RAB11FIP3: variants seen among roughly 807,000 people sequenced by gnomAD.
RAB11FIP3 encodes the protein RAB11 family interacting protein 3, also known as rab11 family-interacting protein 3.
RAB11FIP3 carries 17 observed loss-of-function variants against 77.8 expected under a neutral mutation model. The observed-to-expected ratio is 0.22, with a 90% CI of 0.15 to 0.33. RAB11FIP3 has a LOEUF of 0.33. Among genes scored for constraint, RAB11FIP3 ranks in the 10% least tolerant of loss-of-function variants. The pLI, the probability that RAB11FIP3 is intolerant of heterozygous loss-of-function variation, is 1.00. For missense variants in RAB11FIP3, 1,005 were observed against 1,011.2 expected (o/e 0.99, Z 0.08); for synonymous variants, 437 against 448.2 (o/e 0.98, Z 0.31).
intron 5 of RAB11FIP3, among the ~76,000 whole-genome samples, chr16:493,646 A>G (rs1165607982): frequency 6.6e-6 from 1 of 151,972 alleles, no homozygotes; most frequent in Non-Finnish European, 1.5e-5. Flanking sequence ...TCGCTTTGTG[A>G]CCCAGGCCGG....
At chr16:451,184 G>A (rs1196878776) in intron 1 of RAB11FIP3, among the ~76,000 whole-genome samples, 1 of 151,950 alleles carries the variant, frequency 6.6e-6, no homozygotes, top group African/African-American at 2.4e-5. Context: ...TGATTTTGTG[G>A]TATGTGAATT....
At chr16:510,589 CT>C in intron 8 of RAB11FIP3, 70 bp from the exon 9 acceptor site, 1 of 1,486,328 alleles carries the variant, frequency 6.7e-7, no homozygotes, top group Non-Finnish European at 8.9e-7. Flanking sequence ...CCTGAGGCAG[CT>C]TCTGGGCATG....
rs367967364 is a variant in RAB11FIP3 at position 482,488 on chromosome 16, G to A, written c.904-37G>A. Reference sequence around the variant, plus strand: ...TGGGGCGTTCGCAGTTCCCCTCCCAGCTTGTGCCCGCTGACTGCTGGCGCA... The same window carrying A: ...TGGGGCGTTCGCAGTTCCCCTCCCAACTTGTGCCCGCTGACTGCTGGCGCA... On this transcript the variant is annotated intron_variant, in intron 3 of 13. Coordinates refer to ENST00000262305, the MANE Select transcript of RAB11FIP3 (RefSeq NM_014700.4). 5.6e-6 allele frequency: 9 copies of A among 1,600,378 alleles called. No individual in the cohort carries two copies. In the African/African-American group the frequency reaches 1.2e-4, roughly 21 times the overall value.
intron 5 of RAB11FIP3, among the ~76,000 whole-genome samples, chr16:489,359 A>C (rs1401865414): frequency 6.6e-6 from 1 of 152,246 alleles, no homozygotes; most frequent in Non-Finnish European, 1.5e-5. Flanking sequence ...GTGAGTCTTC[A>C]GATTCATTTC....
chr16:457,702 G>A (rs1244078982), intron 1 of RAB11FIP3, among the ~76,000 whole-genome samples: 1 of 151,994 alleles, frequency 6.6e-6, no homozygotes, highest in Non-Finnish European at 1.5e-5. Context: ...ATGTAAAAGG[G>A]GCCTATTCTA....
intron 4 of RAB11FIP3, 106 bp downstream of exon 4, chr16:482,842 AT>A: frequency 8.1e-7 from 1 of 1,232,322 alleles, no homozygotes; most frequent in Non-Finnish European, 1.1e-6. Context: ...GCTGGTTAGC[AT>A]CCATTATGTG....
intron 5 of RAB11FIP3, among the ~76,000 whole-genome samples, chr16:490,513 ATT>A (rs1472436518): frequency 6.6e-6 from 1 of 152,030 alleles, no homozygotes; most frequent in East Asian, 1.9e-4. Context: ...CTAATTTTGT[ATT>A]TTTTGTAGAG....
chr16:448,320 A>G (rs1352536792), intron 1 of RAB11FIP3, among the ~76,000 whole-genome samples: 1 of 132,108 alleles, frequency 7.6e-6, no homozygotes, highest in African/African-American at 2.9e-5. Flanking sequence ...TCTCAAAAAA[A>G]TAGCCGGGCG....
rs771171158 is a variant in RAB11FIP3, at chr16:497,371, G to A, written c.1301+512G>A. ...TCTTCCTCCCCTGCCAGTTCTTACC[G>A]AAATAAACATGCAGGGTTAAGGCCC... On this transcript the variant is annotated intron_variant, in intron 6 of 13. Transcript: ENST00000262305. 5.0e-4 allele frequency: 644 copies of A among 1,300,832 alleles called. 1 individual carries two copies. Among genetic ancestry groups the A allele is most frequent in the Non-Finnish European group, 5.9e-4 (587 of 987,424 alleles). 80.6% of individuals were successfully genotyped at this position (1,300,832 alleles called of 1,614,324 possible). A position where few individuals can be genotyped will look rare whatever the true frequency, so the allele number is the denominator to read the frequency against.
At chr16:480,287 A>C (rs1368535181) in intron 3 of RAB11FIP3, among the ~76,000 whole-genome samples, 2 of 47,434 alleles carry the variant, frequency 4.2e-5, no homozygotes, top group Non-Finnish European at 1.2e-4. Flanking sequence ...CTCCTTCTCC[A>C]AAAAAAAAAA....
intron 1 of RAB11FIP3, among the ~76,000 whole-genome samples, chr16:431,329 C>G (rs1024484192): frequency 4.6e-5 from 7 of 151,864 alleles, no homozygotes; most frequent in African/African-American, 1.7e-4. Flanking sequence ...CCAATAATCC[C>G]ACTATCCTGA....
At chr16:454,798 G>A (rs1451305582) in intron 1 of RAB11FIP3, among the ~76,000 whole-genome samples, 3 of 152,086 alleles carry the variant, frequency 2.0e-5, no homozygotes, top group African/African-American at 7.2e-5. Context: ...TGTAATCCCA[G>A]TACTTTGGAA....
chr16:517,526 C>T (rs1042671951), intron 9 of RAB11FIP3, among the ~76,000 whole-genome samples: 15 of 151,992 alleles, frequency 9.9e-5, no homozygotes, highest in Admixed American at 9.2e-4. Context: ...TGAGATTCCA[C>T]CAGTGCACTC....
intron 11 of RAB11FIP3, 43 bp from the exon 12 acceptor site, chr16:520,078 CT>C (rs1334738957): frequency 1.3e-6 from 2 of 1,539,920 alleles, no homozygotes; most frequent in South Asian, 1.2e-5. Flanking sequence ...ACGGTGGCCC[CT>C]GGGAGCCCAG....
intron 6 of RAB11FIP3, among the ~76,000 whole-genome samples, chr16:501,684 T>C (rs186442902): frequency 1.0e-3 from 140 of 136,382 alleles, no homozygotes; most frequent in Admixed American, 2.0e-3. Flanking sequence ...CCCCATTTCA[T>C]AGGCAGGGAA....
Position 426,185 on chromosome 16 carries a change from C to T in RAB11FIP3, c.179C>T (p.Pro60Leu). 2 of 1,016,660 alleles carry T rather than the reference C, an allele frequency of 2.0e-6. No homozygotes were observed. Among genetic ancestry groups the T allele is most frequent in the Non-Finnish European group, 2.3e-6 (2 of 852,326 alleles). 63.0% of individuals were successfully genotyped at this position (1,016,660 alleles called of 1,614,324 possible). A position where few individuals can be genotyped will look rare whatever the true frequency, so the allele number is the denominator to read the frequency against. ...TCCCCGGGCCTGGATGAGCCTGCGCCCGGGGCCGCTGCAGATGGCGGGGCG... is the reference window on the plus strand; with the variant it reads ...TCCCCGGGCCTGGATGAGCCTGCGCTCGGGGCCGCTGCAGATGGCGGGGCG... ...PQSPGLDEPAPGAAADGGARW... is the reference protein window; with the variant it reads ...PQSPGLDEPALGAAADGGARW... The change falls in exon 1 of 14, where the codon CCC (proline) becomes CTC (leucine). Residue 60 changes from proline (P) to leucine (L), a missense_variant. Physicochemically the swap from Pro to Leu is moderately conservative, Grantham distance 98 (BLOSUM62 -3). This residue lies in a region of RAB11FIP3 where 466 missense variants were observed against 408.3 expected (regional missense o/e 1.14). Coordinates refer to ENST00000262305, the MANE Select transcript of RAB11FIP3 (RefSeq NM_014700.4). The surrounding 1 kb of genome is among the most constrained non-coding windows in gnomAD (Gnocchi z 5.0).
intron 1 of RAB11FIP3, among the ~76,000 whole-genome samples, chr16:436,125 A>G (rs2055122702): frequency 6.6e-6 from 1 of 152,148 alleles, no homozygotes; most frequent in African/African-American, 2.4e-5. Flanking sequence ...CCTGGCTAAC[A>G]TGGTGAAACC....
chr16:431,905 C>T (rs929877195), intron 1 of RAB11FIP3, among the ~76,000 whole-genome samples: 4 of 151,818 alleles, frequency 2.6e-5, no homozygotes, highest in African/African-American at 2.4e-5. Flanking sequence ...TACAGGCGCC[C>T]GCCACCCCTC....
At chr16:437,991 G>C (rs1257533924) in intron 1 of RAB11FIP3, among the ~76,000 whole-genome samples, 1 of 152,068 alleles carries the variant, frequency 6.6e-6, no homozygotes, top group African/African-American at 2.4e-5. Context: ...TATATTTTTA[G>C]TAGAGATGGG....
Sources: gnomAD v4.1 joint callset for allele counts (sites outside exome capture counted in the v4.1 genomes callset) on GRCh38, gnomAD v4.1.1 for gene constraint, gnomAD v4.1.1 regional missense constraint, Gnocchi (gnomAD v3.1) non-coding constraint, MANE v1.5 for transcripts, NCBI Gene and HGNC (gene_info 2026-07-23, HGNC 2026-07-21) for gene names.